GALNT13: variants seen among roughly 807,000 people sequenced by gnomAD.
GALNT13 encodes the protein polypeptide N-acetylgalactosaminyltransferase 13.
GALNT13 carries 28 observed loss-of-function variants against 64.2 expected under a neutral mutation model. The ratio of observed to expected loss-of-function variants is 0.44; its 90% CI spans 0.32 to 0.60. GALNT13 has a LOEUF of 0.60. Ranked by LOEUF, GALNT13 falls within the 20% of genes least tolerant of loss-of-function variation. The pLI is 0.05. For missense variants in GALNT13, 577 were observed against 669.8 expected (o/e 0.86, Z 1.53); for synonymous variants, 214 against 224.6 (o/e 0.95, Z 0.42).
chr2:153,814,124 G>A, the GALNT13 span, among the ~76,000 whole-genome samples: 2 of 152,176 alleles, frequency 1.3e-5, no homozygotes, highest in Non-Finnish European at 2.9e-5. Context: ...CCGCATCACC[G>A]ATCACTTCTT....
At chr2:154,330,720 A>G (rs947154304) in intron 9 of GALNT13, among the ~76,000 whole-genome samples, 1 of 152,132 alleles carries the variant, frequency 6.6e-6, no homozygotes, top group Admixed American at 6.6e-5. Flanking sequence ...CATGGATCAA[A>G]AATTCATAGT....
chr2:153,799,418 CA>C, the GALNT13 span, among the ~76,000 whole-genome samples: 24 of 152,114 alleles, frequency 1.6e-4, no homozygotes, highest in Non-Finnish European at 3.5e-4. Context: ...CATTTATCGA[CA>C]TGCATACCCT....
intron 10 of GALNT13, among the ~76,000 whole-genome samples, chr2:154,402,663 G>A (rs1377185671): frequency 3.9e-5 from 6 of 152,186 alleles, no homozygotes; most frequent in Non-Finnish European, 8.8e-5. Context: ...CAGACTTTGT[G>A]AAGAATTTTT....
At chr2:153,161,705 G>A in the GALNT13 span, among the ~76,000 whole-genome samples, 2 of 152,102 alleles carry the variant, frequency 1.3e-5, no homozygotes, top group Non-Finnish European at 2.9e-5. Context: ...CAGAGCAAGA[G>A]GGGAGAAATG....
chr2:153,187,970 ATAGATGTGG>A, the GALNT13 span, among the ~76,000 whole-genome samples: 1 of 152,192 alleles, frequency 6.6e-6, no homozygotes, highest in Non-Finnish European at 1.5e-5. Flanking sequence ...AATACTATCA[ATAGATGTGG>A]AAGAAGCATT....
At chr2:153,799,180 A>G in the GALNT13 span, among the ~76,000 whole-genome samples, 1 of 152,154 alleles carries the variant, frequency 6.6e-6, no homozygotes, top group Non-Finnish European at 1.5e-5. Flanking sequence ...GATATTTTCC[A>G]TTAAAATTTA....
Position 154,140,413 on chromosome 2 carries a change from A to G in GALNT13, c.219A>G (p.Lys73=). ...TGATTCCTAAAGATGACCAGGAGAA[A>G]ATGAAAGAGCTGTTTAAAATCAATC... is the stretch of plus-strand genomic sequence containing the variant. ...AVLIPKDDQE[K]MKELFKINQF... is the part of the protein sequence containing the mutation. Residue 73 remains lysine, a synonymous_variant, in exon 4 of 13, where the codon AAA becomes AAG. Transcript: ENST00000392825. The G allele has an allele frequency of 1.2e-6, 2 of 1,612,976 alleles. No individual in the cohort carries two copies. Among genetic ancestry groups the G allele is most frequent in the South Asian group, 2.2e-5 (2 of 91,048 alleles).
upstream of GALNT13, among the ~76,000 whole-genome samples, chr2:153,867,450 C>T (rs1236383268): frequency 6.6e-6 from 1 of 152,032 alleles, no homozygotes; most frequent in Non-Finnish European, 1.5e-5. Context: ...TTTATTATCA[C>T]CTGACGTAAA....
the GALNT13 span, among the ~76,000 whole-genome samples, chr2:153,726,314 T>G: frequency 6.6e-6 from 1 of 152,178 alleles, no homozygotes; most frequent in Admixed American, 6.5e-5. Flanking sequence ...GTAACTCTCA[T>G]AGATGTGACT....
the GALNT13 span, among the ~76,000 whole-genome samples, chr2:153,495,736 G>C: frequency 6.6e-6 from 1 of 151,842 alleles, no homozygotes; most frequent in African/African-American, 2.4e-5. Flanking sequence ...ACAGAACAAT[G>C]GTTTCTGAAA....
chr2:154,290,040 G>A (rs980723437), intron 8 of GALNT13, among the ~76,000 whole-genome samples: 1 of 152,206 alleles, frequency 6.6e-6, no homozygotes, highest in Non-Finnish European at 1.5e-5. Flanking sequence ...TGATTTAAGA[G>A]CCATTCTCTT....
chr2:154,182,461 T>C (rs1250473021), intron 4 of GALNT13, among the ~76,000 whole-genome samples: 1 of 151,916 alleles, frequency 6.6e-6, no homozygotes, highest in Non-Finnish European at 1.5e-5. Flanking sequence ...TTGGTTCTAT[T>C]TTGTGGTCAT....
chr2:153,489,737 C>T, the GALNT13 span, among the ~76,000 whole-genome samples: 8 of 152,150 alleles, frequency 5.3e-5, no homozygotes, highest in East Asian at 7.7e-4. Flanking sequence ...CAGGTGTATA[C>T]GAATGGTTCC....
the GALNT13 span, among the ~76,000 whole-genome samples, chr2:153,323,550 A>C: frequency 6.6e-6 from 1 of 152,170 alleles, no homozygotes; most frequent in Non-Finnish European, 1.5e-5. Flanking sequence ...TGTTTTAGTC[A>C]TGAAGTCTTT....
the GALNT13 span, among the ~76,000 whole-genome samples, chr2:153,228,640 C>T: frequency 2.0e-5 from 3 of 151,836 alleles, no homozygotes; most frequent in Non-Finnish European, 2.9e-5. Flanking sequence ...TTTGGGAGGC[C>T]GAGGCAGGTG....
chr2:153,705,873 A>T, the GALNT13 span, among the ~76,000 whole-genome samples: 4 of 152,162 alleles, frequency 2.6e-5, no homozygotes, highest in African/African-American at 9.7e-5. Context: ...AATAGCAGGA[A>T]TTTTGCTTAG....
intron 11 of GALNT13, 135 bp from the exon 12 acceptor site, chr2:154,438,457 C>G (rs898844746): frequency 1.8e-6 from 1 of 570,684 alleles, no homozygotes; most frequent in African/African-American, 1.9e-5. Context: ...GATGAATTAG[C>G]TTTCTCAAGA....
the GALNT13 span, among the ~76,000 whole-genome samples, chr2:153,155,699 T>G: frequency 1.3e-5 from 2 of 152,104 alleles, no homozygotes; most frequent in Non-Finnish European, 2.9e-5. Flanking sequence ...TTTTGAATGG[T>G]TTTTGTGTTG....
In GALNT13 at chr2:154,037,694, T is replaced by A. The variant is rs150852326; in HGVS notation, c.142+93055T>A. ...CAAAATCAACATATAAAAATCATTA[T>A]CATTCATATATATCAACAATGAATT... On this transcript the variant is annotated intron_variant, in intron 3 of 12. Transcript: ENST00000392825. Among the ~76,000 whole-genome samples the A allele has an allele frequency of 2.6e-5, 4 of 152,202 alleles. No homozygotes were observed. In the East Asian group the frequency reaches 7.7e-4, roughly 29 times the overall value.
Sources: gnomAD v4.1 joint callset for allele counts (sites outside exome capture counted in the v4.1 genomes callset) on GRCh38, gnomAD v4.1.1 for gene constraint, MANE v1.5 for transcripts, NCBI Gene and HGNC (gene_info 2026-07-23, HGNC 2026-07-21) for gene names.